Variants in USP19 observed in about 807,000 individuals in gnomAD.
The protein encoded by USP19 is ubiquitin specific peptidase 19.
Under a neutral mutation model 144.8 loss-of-function variants are expected in USP19, and 40 were observed. The observed-to-expected ratio is 0.28, with a 90% CI of 0.21 to 0.36. The LOEUF is 0.36. Among genes scored for constraint, USP19 ranks in the 10% least tolerant of loss-of-function variants. The probability of loss-of-function intolerance (pLI) is 1.00; values close to 1 mark genes in which losing one functional copy is unlikely to be tolerated. For missense variants in USP19, 1,518 were observed against 1,822.5 expected (o/e 0.83, Z 3.04); for synonymous variants, 701 against 709.3 (o/e 0.99, Z 0.19).
In USP19 at chr3:49,115,921, C is replaced by T. The variant is rs1284902968; in HGVS notation, c.1495G>A (p.Ala499Thr). 1 of 1,560,554 alleles carries T rather than the reference C, an allele frequency of 6.4e-7. No individual in the cohort carries two copies. The highest frequency in any genetic ancestry group is 2.0e-5 in the Admixed American group (1 of 50,450). The change falls in exon 11 of 27, where the codon GCC (alanine) becomes ACC (threonine). Residue 499 changes from alanine (A) to threonine (T), a missense_variant. Physicochemically the swap from Ala to Thr is moderately conservative, Grantham distance 58. Coordinates refer to ENST00000417901, the MANE Select transcript of USP19 (RefSeq NM_001199161.2). This position sits in a 1 kb window ranked among gnomAD's most constrained non-coding sequence, Gnocchi z 6.6. ...AGAGGGGTTGGACCTGTCGGCACGG[C>T]AACCTTTGCACCACCCACTGCACCT... ...ARGAVGGAKVAVPTGPTPLDS... is the reference protein window; with the variant it reads ...ARGAVGGAKVTVPTGPTPLDS...
At position 49,108,388 on chromosome 3, in the gene USP19, T is replaced by TC. The variant is rs1217191878; in HGVS notation, c.*23dup. 5.4e-5 allele frequency: 55 copies of TC among 1,022,802 alleles called. No homozygotes were observed. The highest frequency in any genetic ancestry group is 2.5e-4 in the Admixed American group (8 of 32,640). 63.4% of individuals were successfully genotyped at this position (1,022,802 alleles called of 1,614,324 possible). A position where few individuals can be genotyped will look rare whatever the true frequency, so the allele number is the denominator to read the frequency against. ...CTCTGTGTGGGTGTCCCAAACCCAG[T>TC]CCCCCCCATCAGCCAGGGACCTGCT... is the stretch of plus-strand genomic sequence containing the variant. On this transcript the variant is annotated 3_prime_UTR_variant, in exon 27 of 27. Transcript: ENST00000417901. This position sits in a 1 kb window ranked among gnomAD's most constrained non-coding sequence, Gnocchi z 4.8.
chr3:49,108,299 A>G lies in USP19; in HGVS notation c.*113T>C. 1 of 317,556 alleles carries G rather than the reference A, an allele frequency of 3.1e-6. No individual in the cohort carries two copies. The highest frequency in any genetic ancestry group is 6.7e-5 in the East Asian group (1 of 14,850). The allele number at this position is 317,556 out of a possible 1,614,324, so 19.7% of individuals were successfully genotyped here. Reference sequence around the variant, plus strand: ...TCTCCACACCCAAATCATACCCCTCAGCTTCCCATTGACAGAGCCAGTGTC... The same window carrying G: ...TCTCCACACCCAAATCATACCCCTCGGCTTCCCATTGACAGAGCCAGTGTC... On this transcript the variant is annotated 3_prime_UTR_variant, in exon 27 of 27. Transcript: ENST00000417901. The surrounding 1 kb of genome is among the most constrained non-coding windows in gnomAD (Gnocchi z 4.8).
At position 49,108,489 on chromosome 3, in the gene USP19, G is replaced by A; in HGVS notation, c.4078C>T (p.Arg1360Trp). ...PGQAPEVAPT[R>W]TAPERFAPPV... is the part of the protein sequence containing the mutation. Reference sequence around the variant, plus strand: ...GGGGCGAAGCGTTCAGGGGCTGTCCGCGTGGGGGCCACCTCGGGGGCCTGG... The same window carrying A: ...GGGGCGAAGCGTTCAGGGGCTGTCCACGTGGGGGCCACCTCGGGGGCCTGG... The change falls in exon 27 of 27, where the codon CGG (arginine) becomes TGG (tryptophan). Residue 1360 changes from arginine (R) to tryptophan (W), a missense_variant. By Grantham distance (101) the Arg-to-Trp change is moderately radical (BLOSUM62 -3). Coordinates refer to ENST00000417901, the MANE Select transcript of USP19 (RefSeq NM_001199161.2). The surrounding 1 kb of genome is among the most constrained non-coding windows in gnomAD (Gnocchi z 4.8). 6 of 1,275,590 alleles carry A rather than the reference G, an allele frequency of 4.7e-6. No individual in the cohort carries two copies. Among genetic ancestry groups the A allele is most frequent in the South Asian group, 2.2e-5 (1 of 46,038 alleles). The allele number at this position is 1,275,590 out of a possible 1,614,324, so 79.0% of individuals were successfully genotyped here.
intron 26 of USP19, chr3:49,109,217 C>CCG (rs1559982764): frequency 5.5e-6 from 8 of 1,444,580 alleles, no homozygotes; most frequent in Middle Eastern, 3.7e-4. Context: ...ATCAGCACCC[C>CCG]GGGGGTGGGG....
rs771046434 is a variant in USP19 at position 49,117,026 on chromosome 3, C to A, written c.909+33G>T. 1 of 1,529,126 alleles carries A rather than the reference C, an allele frequency of 6.5e-7. No homozygotes were observed. The highest frequency in any genetic ancestry group is 8.8e-7 in the Non-Finnish European group (1 of 1,134,486). The allele number at this position is 1,529,126 out of a possible 1,614,324, so 94.7% of individuals were successfully genotyped here. On this transcript the variant is annotated intron_variant, in intron 6 of 26. Coordinates refer to ENST00000417901, the MANE Select transcript of USP19 (RefSeq NM_001199161.2). This position sits in a 1 kb window ranked among gnomAD's most constrained non-coding sequence, Gnocchi z 4.4. ...TCCAGTGCACACCCTTTCCCCCCAT[C>A]TCCTAACACCCAAACAGGTGCCCAG... is the stretch of plus-strand genomic sequence containing the variant.
In USP19 at chr3:49,119,182, G is replaced by T. The variant is rs766036254; in HGVS notation, c.-37C>A. On this transcript the variant is annotated 5_prime_UTR_variant, in exon 2 of 27. Transcript: ENST00000417901. Reference sequence around the variant, plus strand: ...TGGTCGACAGCCAGAGTGCCCCGGGGTCGGCAACAGCGTCTGGGTCAGGGC... The same window carrying T: ...TGGTCGACAGCCAGAGTGCCCCGGGTTCGGCAACAGCGTCTGGGTCAGGGC... The T allele has an allele frequency of 6.3e-7, 1 of 1,598,596 alleles. No individual in the cohort carries two copies. The highest frequency in any genetic ancestry group is 1.1e-5 in the South Asian group (1 of 90,302).
chr3:49,118,141 AT>A, intron 2 of USP19, 21 bp from the exon 3 acceptor site: 2 of 1,034,980 alleles, frequency 1.9e-6, no homozygotes, highest in Non-Finnish European at 2.8e-6. Flanking sequence ...AATAAGAAAA[AT>A]TAGTCAAGCA....
At chr3:49,113,086 A>G (rs1481492210) in intron 17 of USP19, among the ~76,000 whole-genome samples, 2 of 152,190 alleles carry the variant, frequency 1.3e-5, no homozygotes, top group Non-Finnish European at 1.5e-5. Context: ...CAGAGCGAAC[A>G]TAGGGATAGT....
In USP19 at chr3:49,111,657, G is replaced by A. The variant is rs901372480; in HGVS notation, c.3060C>T (p.Thr1020=). The change falls in exon 21 of 27, where the codon ACC becomes ACT. Residue 1020 remains threonine (T), a synonymous_variant. Transcript: ENST00000417901. The surrounding 1 kb of genome is among the most constrained non-coding windows in gnomAD (Gnocchi z 5.9). The stretch of plus-strand genomic sequence containing the variant: ...GCCCTGTGTCCCCCTCAGCCATAGG[G>A]GTCACCAGCTGGAGCTCAGGTGGCT... The part of the protein sequence containing the change: ...PIQPPELQLV[T]PMAEGDTGLP... 3.1e-6 allele frequency: 5 copies of A among 1,604,466 alleles called. No individual in the cohort carries two copies. Among genetic ancestry groups the A allele is most frequent in the Non-Finnish European group, 4.3e-6 (5 of 1,174,728 alleles).
Position 49,108,234 on chromosome 3 carries a change from G to T in USP19, c.*178C>A. The T allele has an allele frequency of 3.9e-6, 1 of 253,408 alleles. No homozygotes were observed. Among genetic ancestry groups the T allele is most frequent in the East Asian group, 7.6e-5 (1 of 13,188 alleles). 15.7% of individuals were successfully genotyped at this position (253,408 alleles called of 1,614,324 possible). ...CGGCTGGAGAAGCCAAAGCCCACTG[G>T]TCAGGGGTCCAAGCTGACAAGAAGT... is the stretch of plus-strand genomic sequence containing the variant. On this transcript the variant is annotated 3_prime_UTR_variant, in exon 27 of 27. Coordinates refer to ENST00000417901, the MANE Select transcript of USP19 (RefSeq NM_001199161.2). The surrounding 1 kb of genome is among the most constrained non-coding windows in gnomAD (Gnocchi z 4.8).
rs2043119686 is a variant in USP19 at position 49,111,368 on chromosome 3, G to A, written c.3218-3C>T. On this transcript the variant is annotated splice_region_variant and splice_polypyrimidine_tract_variant and intron_variant, in intron 21 of 26. Coordinates refer to ENST00000417901, the MANE Select transcript of USP19 (RefSeq NM_001199161.2). This position sits in a 1 kb window ranked among gnomAD's most constrained non-coding sequence, Gnocchi z 5.9. Reference sequence around the variant, plus strand: ...ATGCTGGTACCCAGGCACAGCAGCTGTGTGAGAACATGATAATCAAAGCTT... The same window carrying A: ...ATGCTGGTACCCAGGCACAGCAGCTATGTGAGAACATGATAATCAAAGCTT... 6.2e-7 allele frequency: 1 copy of A among 1,614,060 alleles called. No homozygotes were observed. The highest frequency in any genetic ancestry group is 1.3e-5 in the African/African-American group (1 of 74,930).
rs199947029 is a variant in USP19 at position 49,118,018 on chromosome 3, T to G, written c.227A>C (p.His76Pro). The G allele has an allele frequency of 1.2e-4, 188 of 1,603,368 alleles. 3 individuals carry two copies. The East Asian group carries it at 4.2e-3, about 36-fold the overall frequency. Reference sequence around the variant, plus strand: ...TGAAGGAAAGAACAGCCGGGTACGGTGGCGTGAGCCTGTGATCCCAGCTGC... The same window carrying G: ...TGAAGGAAAGAACAGCCGGGTACGGGGGCGTGAGCCTGTGATCCCAGCTGC... ...SHAAGITGSRHRTRLFFPSSS... is the reference protein window; with the variant it reads ...SHAAGITGSRPRTRLFFPSSS... The change falls in exon 3 of 27, where the codon CAC becomes CCC. Residue 76 changes from histidine (H) to proline (P), a missense_variant. Physicochemically the swap from His to Pro is moderately conservative, Grantham distance 77. This residue lies in a region of USP19 where 707 missense variants were observed against 728.9 expected (regional missense o/e 0.97). Transcript: ENST00000417901.
In USP19 at chr3:49,114,121, G is replaced by C. The variant is rs551865635; in HGVS notation, c.2404-28C>G. 1 of 1,614,194 alleles carries C rather than the reference G, an allele frequency of 6.2e-7. No homozygotes were observed. Among genetic ancestry groups the C allele is most frequent in the South Asian group, 1.1e-5 (1 of 91,086 alleles). ...GTGGCAAAAAGGGCAGTCAGTGAGG[G>C]AGGTGGGCCACGTTCTCTAGAACAG... On this transcript the variant is annotated intron_variant, in intron 16 of 26. Transcript: ENST00000417901. The surrounding 1 kb of genome is among the most constrained non-coding windows in gnomAD (Gnocchi z 4.5).
chr3:49,115,493 G>A lies in USP19; in HGVS notation c.1839C>T (p.Ser613=), dbSNP rs756966904. The A allele has an allele frequency of 7.4e-6, 12 of 1,614,200 alleles. No homozygotes were observed. Among genetic ancestry groups the A allele is most frequent in the South Asian group, 3.3e-5 (3 of 91,086 alleles). Residue 613 remains serine, a synonymous_variant, in exon 12 of 27, where the codon AGC becomes AGT. Coordinates refer to ENST00000417901, the MANE Select transcript of USP19 (RefSeq NM_001199161.2). This position sits in a 1 kb window ranked among gnomAD's most constrained non-coding sequence, Gnocchi z 6.6. ...GAGTGTTGGACAGAGACTGAATGACGCTGTTCATGAAGCAGGTGTTGCCTA... is the reference window on the plus strand; with the variant it reads ...GAGTGTTGGACAGAGACTGAATGACACTGTTCATGAAGCAGGTGTTGCCTA... The part of the protein sequence containing the change: ...VNLGNTCFMN[S]VIQSLSNTRE...
At chr3:49,119,687 G>A (rs2044821205) in intron 1 of USP19, among the ~76,000 whole-genome samples, 2 of 152,210 alleles carry the variant, frequency 1.3e-5, no homozygotes, top group South Asian at 2.1e-4. Flanking sequence ...AGAAGGTGGA[G>A]GAGGAAGGCA....
chr3:49,110,312 C>A lies in USP19; in HGVS notation c.3910G>T (p.Val1304Phe). The part of the protein sequence containing the change: ...STVTTVDESQ[V>F]VTRYAYVLFY... Reference sequence around the variant, plus strand: ...AGTACATAGGCATAACGCGTCACAACCTGGCTCTCGTCTACCGTTGTCACT... The same window carrying A: ...AGTACATAGGCATAACGCGTCACAAACTGGCTCTCGTCTACCGTTGTCACT... The change falls in exon 26 of 27, where the codon GTT becomes TTT. Residue 1304 changes from valine (V) to phenylalanine (F), a missense_variant. Physicochemically the swap from Val to Phe is conservative, Grantham distance 50 (BLOSUM62 -1). This residue lies in a region of USP19 where 122 missense variants were observed against 200.4 expected (regional missense o/e 0.61). Coordinates refer to ENST00000417901, the MANE Select transcript of USP19 (RefSeq NM_001199161.2). This position sits in a 1 kb window ranked among gnomAD's most constrained non-coding sequence, Gnocchi z 6.1. 6.2e-7 allele frequency: 1 copy of A among 1,606,000 alleles called. No individual in the cohort carries two copies. Among genetic ancestry groups the A allele is most frequent in the South Asian group, 1.1e-5 (1 of 90,166 alleles).
chr3:49,115,511 G>A lies in USP19; in HGVS notation c.1821C>T (p.Asn607=). 1.2e-6 allele frequency: 2 copies of A among 1,614,232 alleles called. No homozygotes were observed. The highest frequency in any genetic ancestry group is 1.7e-6 in the Non-Finnish European group (2 of 1,180,048). ...PGFTGLVNLG[N]TCFMNSVIQS... ...GAATGACGCTGTTCATGAAGCAGGTGTTGCCTAAATTGACAAGGCCAGTGA... is the reference window on the plus strand; with the variant it reads ...GAATGACGCTGTTCATGAAGCAGGTATTGCCTAAATTGACAAGGCCAGTGA... The change falls in exon 12 of 27, where the codon AAC becomes AAT. Residue 607 remains asparagine, a synonymous_variant. Coordinates refer to ENST00000417901, the MANE Select transcript of USP19 (RefSeq NM_001199161.2). This position sits in a 1 kb window ranked among gnomAD's most constrained non-coding sequence, Gnocchi z 6.6.
Position 49,108,181 on chromosome 3 carries a change from A to C in USP19, c.*231T>G, listed in dbSNP as rs14644. 1 of 211,360 alleles carries C rather than the reference A, an allele frequency of 4.7e-6. No individual in the cohort carries two copies. The highest frequency in any genetic ancestry group is 9.7e-5 in the East Asian group (1 of 10,262). The allele number at this position is 211,360 out of a possible 1,614,324, so 13.1% of individuals were successfully genotyped here. On this transcript the variant is annotated 3_prime_UTR_variant, in exon 27 of 27. Transcript: ENST00000417901. The surrounding 1 kb of genome is among the most constrained non-coding windows in gnomAD (Gnocchi z 4.8). ...GCGGGTCAGAAGAATTGAAGGTACAACAGAATCAAATCACGCAGCACTGGA... is the reference window on the plus strand; with the variant it reads ...GCGGGTCAGAAGAATTGAAGGTACACCAGAATCAAATCACGCAGCACTGGA...
Position 49,116,244 on chromosome 3 carries a change from A to G in USP19, c.1355+36T>C, listed in dbSNP as rs1484391099. On this transcript the variant is annotated intron_variant, in intron 9 of 26. Transcript: ENST00000417901. The surrounding 1 kb of genome is among the most constrained non-coding windows in gnomAD (Gnocchi z 5.0). Reference sequence around the variant, plus strand: ...GCCAGGGAGATGGAGCCCACGGGGTAGGACAGGCACAGTGGTGGGGCCGGG... The same window carrying G: ...GCCAGGGAGATGGAGCCCACGGGGTGGGACAGGCACAGTGGTGGGGCCGGG... 1 of 1,613,502 alleles carries G rather than the reference A, an allele frequency of 6.2e-7. No individual in the cohort carries two copies. The highest frequency in any genetic ancestry group is 2.2e-5 in the East Asian group (1 of 44,854).
Sources: allele counts gnomAD v4.1 joint callset (sites outside exome capture counted in the v4.1 genomes callset), GRCh38; gene constraint gnomAD v4.1.1; regional missense constraint gnomAD v4.1.1; non-coding constraint Gnocchi (gnomAD v3.1); transcripts MANE v1.5; gene names NCBI Gene and HGNC (gene_info 2026-07-23, HGNC 2026-07-21).